Variants in RYR3 observed in about 807,000 individuals in gnomAD.
RYR3 encodes brain ryanodine receptor-calcium release channel.
A neutral mutation model predicts 584.3 loss-of-function variants in RYR3; 207 were observed. That is an observed-to-expected ratio of 0.35 (90% CI 0.32 to 0.40). The LOEUF is 0.40. Among genes scored for constraint, RYR3 ranks in the 10% least tolerant of loss-of-function variants. RYR3 has a pLI of 1.00. For missense variants in RYR3, 5,616 were observed against 6,089.2 expected (o/e 0.92, Z 2.59); for synonymous variants, 2,416 against 2,248.5 (o/e 1.07, Z -2.11).
chr15:33,322,153 G>T (rs538199670), intron 1 of RYR3, among the ~76,000 whole-genome samples: 2 of 152,284 alleles, frequency 1.3e-5, no homozygotes, highest in African/African-American at 4.8e-5. Context: ...TTTATGTTAG[G>T]CCATTCTTGG....
At chr15:33,822,708 C>G (rs894508221) in intron 80 of RYR3, among the ~76,000 whole-genome samples, 1 of 152,246 alleles carries the variant, frequency 6.6e-6, no homozygotes, top group Non-Finnish European at 1.5e-5. Context: ...ATAGCATGAG[C>G]TATTCAGATT....
At chr15:33,393,356 C>T (rs1036789276) in intron 1 of RYR3, among the ~76,000 whole-genome samples, 3 of 152,206 alleles carry the variant, frequency 2.0e-5, no homozygotes, top group Non-Finnish European at 4.4e-5. Flanking sequence ...GACCCTCCTC[C>T]CCTCAGTGTA....
At chr15:33,738,406 T>A in intron 49 of RYR3, 44 bp from the exon 50 acceptor site, 1 of 1,572,466 alleles carries the variant, frequency 6.4e-7, no homozygotes. Flanking sequence ...CTGTGGACTT[T>A]CTCTATGCCA....
chr15:33,578,056 T>C (rs1358976705), intron 12 of RYR3, among the ~76,000 whole-genome samples: 3 of 152,120 alleles, frequency 2.0e-5, no homozygotes, highest in Admixed American at 6.5e-5. Context: ...AAAACCACAA[T>C]GACATACCAT....
At chr15:33,602,769 A>C (rs2059733725) in intron 17 of RYR3, among the ~76,000 whole-genome samples, 1 of 111,768 alleles carries the variant, frequency 8.9e-6, no homozygotes, top group Non-Finnish European at 1.7e-5. Flanking sequence ...TTTTGGAGAC[A>C]AGGTCTCACT....
intron 3 of RYR3, among the ~76,000 whole-genome samples, chr15:33,512,837 G>A (rs964803446): frequency 6.6e-6 from 1 of 152,166 alleles, no homozygotes; most frequent in African/African-American, 2.4e-5. Flanking sequence ...GTTTCTTAGA[G>A]GCATGAGGAG....
At chr15:33,582,810 GA>G (rs761477531) in intron 14 of RYR3, among the ~76,000 whole-genome samples, 2 of 152,182 alleles carry the variant, frequency 1.3e-5, no homozygotes, top group African/African-American at 2.4e-5. Flanking sequence ...TTTACTGACT[GA>G]AGATGCAAAG....
intron 14 of RYR3, among the ~76,000 whole-genome samples, chr15:33,583,969 T>C (rs1377884077): frequency 1.3e-5 from 2 of 152,128 alleles, no homozygotes; most frequent in Non-Finnish European, 2.9e-5. Flanking sequence ...GGAGAATCAC[T>C]TGAACCCAGG....
intron 3 of RYR3, among the ~76,000 whole-genome samples, chr15:33,520,839 T>C (rs1325073350): frequency 6.6e-6 from 1 of 152,106 alleles, no homozygotes; most frequent in Non-Finnish European, 1.5e-5. Context: ...GACCACCTTT[T>C]CCCCCTCAAT....
intron 85 of RYR3, among the ~76,000 whole-genome samples, chr15:33,829,826 T>C (rs934337490): frequency 2.0e-5 from 3 of 152,076 alleles, no homozygotes; most frequent in African/African-American, 4.8e-5. Context: ...AGGAAGTTGA[T>C]TGCAACCCTT....
chr15:33,672,176 G>A (rs1402234823), intron 38 of RYR3, among the ~76,000 whole-genome samples: 1 of 151,646 alleles, frequency 6.6e-6, no homozygotes, highest in African/African-American at 2.4e-5. Context: ...GTCCCACCAG[G>A]TGACCATTTC....
intron 38 of RYR3, among the ~76,000 whole-genome samples, chr15:33,683,226 C>T (rs1433357734): frequency 6.6e-6 from 1 of 151,980 alleles, no homozygotes; most frequent in Non-Finnish European, 1.5e-5. Flanking sequence ...GATCTCCTGA[C>T]CTCATGATCC....
intron 1 of RYR3, among the ~76,000 whole-genome samples, chr15:33,386,992 G>A (rs2041649050): frequency 6.6e-6 from 1 of 151,914 alleles, no homozygotes; most frequent in African/African-American, 2.4e-5. Context: ...TGAGTAGCTG[G>A]GACTACAGGC....
intron 5 of RYR3, among the ~76,000 whole-genome samples, chr15:33,533,796 C>A (rs1274172720): frequency 6.6e-6 from 1 of 152,130 alleles, no homozygotes; most frequent in African/African-American, 2.4e-5. Flanking sequence ...CTGCAATGAA[C>A]AAGCTATGTC....
chr15:33,408,011 A>ATT (rs5811757), intron 1 of RYR3, among the ~76,000 whole-genome samples: 2 of 149,650 alleles, frequency 1.3e-5, no homozygotes, highest in Admixed American at 6.6e-5. Flanking sequence ...TTAAACTTGA[A>ATT]TTTTTTTTTT....
At chr15:33,857,980 T>C in intron 99 of RYR3, 66 bp downstream of exon 99, 2 of 1,597,852 alleles carry the variant, frequency 1.3e-6, no homozygotes, top group Non-Finnish European at 8.5e-7. Flanking sequence ...ACCACCTCAC[T>C]GGGAAGAAGG....
At chr15:33,781,861 G>GC (rs1162452355) in intron 65 of RYR3, among the ~76,000 whole-genome samples, 7 of 146,856 alleles carry the variant, frequency 4.8e-5, no homozygotes, top group African/African-American at 1.1e-4. Flanking sequence ...AAAAAAAAAG[G>GC]GGGGGGGGAT....
chr15:33,616,030 T>A (rs1415198303), intron 19 of RYR3, among the ~76,000 whole-genome samples: 1 of 152,224 alleles, frequency 6.6e-6, no homozygotes, highest in Non-Finnish European at 1.5e-5. Flanking sequence ...TTCCCGGGAC[T>A]GCATTTGCAT....
chr15:33,799,449 C>T (rs1436471990), intron 67 of RYR3, among the ~76,000 whole-genome samples: 1 of 150,524 alleles, frequency 6.6e-6, no homozygotes, highest in Non-Finnish European at 1.5e-5. Flanking sequence ...CACAAAAAAA[C>T]CCTAAGCTAT....
Sources: allele counts gnomAD v4.1 joint callset (sites outside exome capture counted in the v4.1 genomes callset), GRCh38; gene constraint gnomAD v4.1.1; transcripts MANE v1.5; gene names NCBI Gene and HGNC (gene_info 2026-07-23, HGNC 2026-07-21).